The following B3GALT9 variants were observed in gnomAD, a reference collection of about 807,000 sequenced individuals.
The protein encoded by B3GALT9 is beta-1,3-galactosyltransferase 9.
Position 120,799,345 on chromosome 9 carries a change from G to T in B3GALT9, c.777G>T (p.Val259=), listed in dbSNP as rs2131406353. 5.0e-6 allele frequency: 2 copies of T among 399,214 alleles called. No individual in the cohort carries two copies. Among genetic ancestry groups the T allele is most frequent in the East Asian group, 7.1e-5 (2 of 28,072 alleles). The allele number at this position is 399,214 out of a possible 1,614,324, so 24.7% of individuals were successfully genotyped here. ...AAGATGTGGCTCGAATGATGTATGT[G>T]GTTTTCAAAGAAGTACCCATGATGG... ...MSQDVARMMY[V]VFKEVPMMVP... is the part of the protein sequence containing the mutation. Residue 259 remains valine (V), a synonymous_variant, in exon 3 of 3, where the codon GTG becomes GTT. Transcript: ENST00000689072.
chr9:120,801,644 ACAGGAAAATCGCTTGAATC>A lies in B3GALT9; in HGVS notation c.*1972_*1990del, dbSNP rs561737891. Among the ~76,000 whole-genome samples, 4 of 152,272 alleles carry A rather than the reference ACAGGAAAATCGCTTGAATC, an allele frequency of 2.6e-5. No homozygotes were observed. In the East Asian group the frequency reaches 7.7e-4, roughly 29 times the overall value. ...AATCCCAGCTACGCGGGAGGCTGACACAGGAAAATCGCTTGAATCCAGGAGGTGGAGGTTGCAGTGAGCC... is the reference window on the plus strand; with the variant it reads ...AATCCCAGCTACGCGGGAGGCTGACACAGGAGGTGGAGGTTGCAGTGAGCC... On this transcript the variant is annotated 3_prime_UTR_variant, in exon 3 of 3. Transcript: ENST00000689072.
At chr9:120,794,266 A>G (rs2044916573) in intron 1 of B3GALT9, among the ~76,000 whole-genome samples, 1 of 152,198 alleles carries the variant, frequency 6.6e-6, no homozygotes, top group South Asian at 2.1e-4. Flanking sequence ...AAAGAGGTTT[A>G]GGCATCTTGC....
rs769499200 is a variant in B3GALT9, at chr9:120,799,283, C to A, written c.715C>A (p.Pro239Thr). 2.5e-6 allele frequency: 1 copy of A among 399,396 alleles called. No individual in the cohort carries two copies. The highest frequency in any genetic ancestry group is 4.4e-6 in the Non-Finnish European group (1 of 226,156). 24.7% of individuals were successfully genotyped at this position (399,396 alleles called of 1,614,324 possible). A position where few individuals can be genotyped will look rare whatever the true frequency, so the allele number is the denominator to read the frequency against. The change falls in exon 3 of 3, where the codon CCA (proline) becomes ACA (threonine). Residue 239 changes from proline to threonine, a missense_variant. Pro to Thr is a conservative substitution (Grantham distance 38). Transcript: ENST00000689072. ...PLSEYPEKYY[P>T]DYCSGEAFIM... ...TAGTGAGTACCCAGAAAAATACTAC[C>A]CAGATTACTGCAGTGGTGAGGCCTT...
chr9:120,795,773 A>G (rs906885135), intron 1 of B3GALT9, among the ~76,000 whole-genome samples: 6 of 152,260 alleles, frequency 3.9e-5, no homozygotes, highest in African/African-American at 7.2e-5. Context: ...TGACAGGAAC[A>G]TGAAAATATG....
At chr9:120,797,108 G>A (rs2044944287) in intron 2 of B3GALT9, among the ~76,000 whole-genome samples, 1 of 150,430 alleles carries the variant, frequency 6.6e-6, no homozygotes, top group Non-Finnish European at 1.5e-5. Context: ...AGGGAGGGAG[G>A]GGGAGACAGA....
intron 2 of B3GALT9, among the ~76,000 whole-genome samples, chr9:120,797,432 G>A (rs773368321): frequency 6.6e-6 from 1 of 151,968 alleles, no homozygotes; most frequent in Non-Finnish European, 1.5e-5. Flanking sequence ...CTTGAACCCA[G>A]GAGGCAGAGG....
Position 120,793,828 on chromosome 9 carries a change from A to AT in B3GALT9, c.-276_-275insT, listed in dbSNP as rs1003233647. 3.2e-4 allele frequency: 126 copies of AT among 393,146 alleles called. No homozygotes were observed. The highest frequency in any genetic ancestry group is 1.6e-3 in the African/African-American group (76 of 48,584). The allele number at this position is 393,146 out of a possible 1,614,324, so 24.4% of individuals were successfully genotyped here. On this transcript the variant is annotated 5_prime_UTR_variant, in exon 1 of 3. Transcript: ENST00000689072. Reference sequence around the variant, plus strand: ...CTAGGGGATAGGGTTAGTGAACAAAAAACGCAAAAGCCCCTGACCGCCTGG... The same window carrying AT: ...CTAGGGGATAGGGTTAGTGAACAAAATAACGCAAAAGCCCCTGACCGCCTGG...
At chr9:120,794,918 A>T (rs191229749) in intron 1 of B3GALT9, among the ~76,000 whole-genome samples, 1 of 152,340 alleles carries the variant, frequency 6.6e-6, no homozygotes, top group Non-Finnish European at 1.5e-5. Flanking sequence ...ACATGAGGCT[A>T]ATGGCTACCA....
chr9:120,796,222 G>C (rs1226562933), intron 1 of B3GALT9, among the ~76,000 whole-genome samples: 6 of 152,160 alleles, frequency 3.9e-5, no homozygotes, highest in Non-Finnish European at 8.8e-5. Flanking sequence ...ATCTACTTGT[G>C]CAATGATGCT....
Position 120,793,760 on chromosome 9 carries a change from A to G in B3GALT9, c.-344A>G, listed in dbSNP as rs1284322786. ...TAGAGAAGTTAAGAGACGTGTCCAA[A>G]TTCATACAACCTGTTGGGCACCTCT... is the stretch of plus-strand genomic sequence containing the variant. On this transcript the variant is annotated 5_prime_UTR_variant, in exon 1 of 3. Transcript: ENST00000689072. The G allele has an allele frequency of 5.0e-6, 2 of 397,888 alleles. No individual in the cohort carries two copies. The highest frequency in any genetic ancestry group is 8.9e-6 in the Non-Finnish European group (2 of 225,798). The allele number at this position is 397,888 out of a possible 1,614,324, so 24.6% of individuals were successfully genotyped here. A position where few individuals can be genotyped will look rare whatever the true frequency, so the allele number is the denominator to read the frequency against.
rs1276984317 is a variant in B3GALT9, at chr9:120,800,133, T to C, written c.*455T>C. Among the ~76,000 whole-genome samples, 2 of 149,708 alleles carry C rather than the reference T, an allele frequency of 1.3e-5. No homozygotes were observed. The highest frequency in any genetic ancestry group is 4.9e-5 in the African/African-American group (2 of 40,598). On this transcript the variant is annotated 3_prime_UTR_variant, in exon 3 of 3. Coordinates refer to ENST00000689072, the MANE Select transcript of B3GALT9 (RefSeq NM_001386823.1). ...CCCGGCTAATTTTTTTTTTTTTTTTTCGGAGACAGAGTCTTGCTCTGTCGC... is the reference window on the plus strand; with the variant it reads ...CCCGGCTAATTTTTTTTTTTTTTTTCCGGAGACAGAGTCTTGCTCTGTCGC...
Position 120,799,289 on chromosome 9 carries a change from T to A in B3GALT9, c.721T>A (p.Tyr241Asn), listed in dbSNP as rs2044956770. ...SEYPEKYYPD[Y>N]CSGEAFIMSQ... ...GTACCCAGAAAAATACTACCCAGAT[T>A]ACTGCAGTGGTGAGGCCTTTATAAT... is the stretch of plus-strand genomic sequence containing the variant. Residue 241 changes from tyrosine (Y) to asparagine (N), a missense_variant, in exon 3 of 3, where the codon TAC becomes AAC. By Grantham distance (143) the Tyr-to-Asn change is moderately radical. Coordinates refer to ENST00000689072, the MANE Select transcript of B3GALT9 (RefSeq NM_001386823.1). 4 of 399,532 alleles carry A rather than the reference T, an allele frequency of 1.0e-5. No homozygotes were observed. In the South Asian group the frequency reaches 3.8e-4, roughly 38 times the overall value. 24.7% of individuals were successfully genotyped at this position (399,532 alleles called of 1,614,324 possible).
Position 120,794,197 on chromosome 9 carries a change from A to T in B3GALT9, c.-182+275A>T, listed in dbSNP as rs183840985. 2.6e-5 allele frequency among the ~76,000 whole-genome samples: 4 copies of T among 152,200 alleles called. No individual in the cohort carries two copies. In the East Asian group the frequency reaches 7.7e-4, roughly 29 times the overall value. On this transcript the variant is annotated intron_variant, in intron 1 of 2. Transcript: ENST00000689072. ...ACCATCTCACTCAGTTCCCACAACAACCCCACAAGCTAGTAACTATTATTA... is the reference window on the plus strand; with the variant it reads ...ACCATCTCACTCAGTTCCCACAACATCCCCACAAGCTAGTAACTATTATTA...
Position 120,799,525 on chromosome 9 carries a change from C to G in B3GALT9, c.957C>G (p.Pro319=), listed in dbSNP as rs953067426. 1.0e-5 allele frequency: 4 copies of G among 399,476 alleles called. No individual in the cohort carries two copies. Among genetic ancestry groups the G allele is most frequent in the Non-Finnish European group, 1.8e-5 (4 of 226,220 alleles). 24.7% of individuals were successfully genotyped at this position (399,476 alleles called of 1,614,324 possible). ...CAGAAATTGCAGATCCTGAAATGCC[C>G]CTAGCATGGAAGGAAATTAATGATG... is the stretch of plus-strand genomic sequence containing the variant. The part of the protein sequence containing the change: ...TSSEIADPEM[P]LAWKEINDGK... The change falls in exon 3 of 3, where the codon CCC becomes CCG. Residue 319 remains proline (P), a synonymous_variant. Coordinates refer to ENST00000689072, the MANE Select transcript of B3GALT9 (RefSeq NM_001386823.1).
At chr9:120,797,505 CAAAA>C (rs987473010) in intron 2 of B3GALT9, among the ~76,000 whole-genome samples, 2 of 98,754 alleles carry the variant, frequency 2.0e-5, no homozygotes, top group Admixed American at 1.1e-4. Flanking sequence ...GACTCCGTCT[CAAAA>C]AAAAAAAAAA....
At chr9:120,798,316 A>G (rs1313885478) in intron 2 of B3GALT9, among the ~76,000 whole-genome samples, 3 of 152,248 alleles carry the variant, frequency 2.0e-5, no homozygotes, top group Admixed American at 6.5e-5. Flanking sequence ...CAAACAAGCA[A>G]GAAAACAACC....
At chr9:120,797,407 G>A (rs2044946708) in intron 2 of B3GALT9, among the ~76,000 whole-genome samples, 1 of 151,890 alleles carries the variant, frequency 6.6e-6, no homozygotes. Flanking sequence ...TCAGGAGGCT[G>A]AGGCATGAGA....
chr9:120,798,176 G>A (rs1053247235), intron 2 of B3GALT9, among the ~76,000 whole-genome samples: 1 of 152,230 alleles, frequency 6.6e-6, no homozygotes, highest in Non-Finnish European at 1.5e-5. Flanking sequence ...AGAACATCAT[G>A]TATTTTCCTA....
Position 120,798,736 on chromosome 9 carries a change from A to G in B3GALT9, c.168A>G (p.Arg56=). 1 of 399,168 alleles carries G rather than the reference A, an allele frequency of 2.5e-6. No homozygotes were observed. The highest frequency in any genetic ancestry group is 4.4e-6 in the Non-Finnish European group (1 of 226,078). The allele number at this position is 399,168 out of a possible 1,614,324, so 24.7% of individuals were successfully genotyped here. Residue 56 remains arginine, a synonymous_variant, in exon 3 of 3, where the codon AGA becomes AGG. Transcript: ENST00000689072. ...VKVLEIKNKA[R]KLNIEPLRSN... ...TTCTTGAAATTAAGAATAAGGCAAG[A>G]AAATTGAACATCGAACCCCTAAGAA...
Sources: gnomAD v4.1 joint callset for allele counts (sites outside exome capture counted in the v4.1 genomes callset) on GRCh38, gnomAD v4.1.1 for gene constraint, MANE v1.5 for transcripts, NCBI Gene and HGNC (gene_info 2026-07-23, HGNC 2026-07-21) for gene names.